The following COMMD1 variants were observed in gnomAD, a reference collection of about 807,000 sequenced individuals.
COMMD1 encodes the protein COMM domain-containing protein 1.
In COMMD1, 10 loss-of-function variants were observed where a neutral mutation model predicts 17.2. That is an observed-to-expected ratio of 0.58 (90% CI 0.36 to 0.99). The LOEUF is 0.99. Ranked by LOEUF, COMMD1 falls within the 50% of genes least tolerant of loss-of-function variation. COMMD1 has a pLI of 0.01. For synonymous variants in COMMD1, 97 were observed against 91.6 expected (o/e 1.06, Z -0.34); for missense variants, 270 against 231.8 (o/e 1.17, Z -1.07).
chr2:62,107,600 T>C (rs1355245439), intron 2 of COMMD1, among the ~76,000 whole-genome samples: 1 of 152,202 alleles, frequency 6.6e-6, no homozygotes, highest in Non-Finnish European at 1.5e-5. Context: ...AGCCTTTTCT[T>C]TGGGGTTTAC....
chr2:61,955,578 G>GT (rs1671176802), intron 1 of COMMD1, among the ~76,000 whole-genome samples: 2 of 151,672 alleles, frequency 1.3e-5, no homozygotes, highest in South Asian at 2.1e-4. Context: ...TCTTCTGTTT[G>GT]TTTTTTTCTA....
At chr2:61,948,537 A>C (rs188619369) in intron 1 of COMMD1, among the ~76,000 whole-genome samples, 5 of 152,346 alleles carry the variant, frequency 3.3e-5, no homozygotes, top group Admixed American at 2.6e-4. Context: ...AAAGCAGAGA[A>C]TATTATGACT....
chr2:62,049,926 G>C (rs1383923190), intron 2 of COMMD1, among the ~76,000 whole-genome samples: 1 of 152,100 alleles, frequency 6.6e-6, no homozygotes, highest in Non-Finnish European at 1.5e-5. Context: ...ATTATCTGTT[G>C]TCAGTTTTAC....
chr2:62,078,003 T>G lies in COMMD1; in HGVS notation c.463-57828T>G, dbSNP rs189695657. On this transcript the variant is annotated intron_variant, in intron 2 of 2. Coordinates refer to ENST00000311832, the MANE Select transcript of COMMD1 (RefSeq NM_152516.4). Reference sequence around the variant, plus strand: ...AGATAAAGAATTGTGGGACTGGGCATAGTGGCTCAGGCCTATAATCACAGA... The same window carrying G: ...AGATAAAGAATTGTGGGACTGGGCAGAGTGGCTCAGGCCTATAATCACAGA... Among the ~76,000 whole-genome samples, 321 of 152,048 alleles carry G rather than the reference T, an allele frequency of 2.1e-3. 2 individuals carry two copies. The highest frequency in any genetic ancestry group is 7.0e-3 in the African/African-American group (289 of 41,490).
At position 61,991,111 on chromosome 2, in the gene COMMD1, A is replaced by G. The variant is rs568110925; in HGVS notation, c.181-9590A>G. On this transcript the variant is annotated intron_variant, in intron 1 of 2. Transcript: ENST00000311832. ...TCTCAAAAGAAAAAAAAAAGTGATGAATTACATTTTCATTTTTCATTCAAA... is the reference window on the plus strand; with the variant it reads ...TCTCAAAAGAAAAAAAAAAGTGATGGATTACATTTTCATTTTTCATTCAAA... 5.5e-4 allele frequency among the ~76,000 whole-genome samples: 84 copies of G among 152,076 alleles called. 1 individual carries two copies. The South Asian group carries it at 0.017, about 30-fold the overall frequency.
chr2:61,968,732 A>AT (rs753898967), intron 1 of COMMD1, among the ~76,000 whole-genome samples: 17 of 150,888 alleles, frequency 1.1e-4, no homozygotes, highest in Non-Finnish European at 1.6e-4. Context: ...CATTTTTTGT[A>AT]TTTTTTATAT....
At chr2:61,901,655 T>G (rs1669659141), upstream of COMMD1, among the ~76,000 whole-genome samples, 1 of 152,178 alleles carries the variant, frequency 6.6e-6, no homozygotes, top group Non-Finnish European at 1.5e-5. Context: ...TAGGACCTAC[T>G]ACTTATTTAA....
At chr2:62,108,915 TATAA>T (rs1219095640) in intron 2 of COMMD1, among the ~76,000 whole-genome samples, 30 of 152,354 alleles carry the variant, frequency 2.0e-4, no homozygotes, top group African/African-American at 7.0e-4. Flanking sequence ...CCCACTTTTC[TATAA>T]ATAACAGGCT....
intron 2 of COMMD1, among the ~76,000 whole-genome samples, chr2:62,071,779 A>T (rs941294041): frequency 6.6e-6 from 1 of 152,184 alleles, no homozygotes; most frequent in African/African-American, 2.4e-5. Flanking sequence ...CTAAATTCCC[A>T]GCCATGATAG....
chr2:61,921,630 A>T (rs1057505353), intron 1 of COMMD1, among the ~76,000 whole-genome samples: 5 of 152,096 alleles, frequency 3.3e-5, no homozygotes, highest in South Asian at 2.1e-4. Flanking sequence ...TTTTTAGTAG[A>T]GACGGGGTTT....
At chr2:61,949,105 CTCTTAAAGCAAAA>C (rs1670986751) in intron 1 of COMMD1, among the ~76,000 whole-genome samples, 1 of 152,128 alleles carries the variant, frequency 6.6e-6, no homozygotes, top group African/African-American at 2.4e-5. Context: ...AAGACCCTGT[CTCTTAAAGCAAAA>C]ATTTAAAAAT....
intron 1 of COMMD1, among the ~76,000 whole-genome samples, chr2:61,895,874 C>A (rs1189528046): frequency 6.6e-6 from 1 of 152,118 alleles, no homozygotes; most frequent in African/African-American, 2.4e-5. Context: ...CCCTACTGAC[C>A]AAGGTCCTAG....
At chr2:61,947,285 CTT>C (rs1196856241) in intron 1 of COMMD1, among the ~76,000 whole-genome samples, 1 of 152,094 alleles carries the variant, frequency 6.6e-6, no homozygotes, top group Non-Finnish European at 1.5e-5. Flanking sequence ...ATACCTGTCA[CTT>C]AGTATAACTT....
In COMMD1 at chr2:61,975,516, AT is replaced by A. The variant is rs577875494; in HGVS notation, c.181-25180del. On this transcript the variant is annotated intron_variant, in intron 1 of 2. Transcript: ENST00000311832. ...TGGATGAGAGTTCCAGTTGTTCCAC[AT>A]TTTTGTCAACATTTGGTGTTGCTTT... 1.5e-3 allele frequency among the ~76,000 whole-genome samples: 227 copies of A among 152,182 alleles called. 1 individual carries two copies. The highest frequency in any genetic ancestry group is 2.4e-3 in the Non-Finnish European group (166 of 67,996).
chr2:61,912,390 G>C (rs1669927915), intron 1 of COMMD1, among the ~76,000 whole-genome samples: 1 of 152,190 alleles, frequency 6.6e-6, no homozygotes, highest in African/African-American at 2.4e-5. Flanking sequence ...CCAGGGGTCA[G>C]CAAACTATGT....
At chr2:61,942,008 T>C (rs986487730) in intron 1 of COMMD1, among the ~76,000 whole-genome samples, 5 of 152,224 alleles carry the variant, frequency 3.3e-5, no homozygotes, top group African/African-American at 1.2e-4. Flanking sequence ...CATTTAGTTT[T>C]ATTTGTACAG....
At chr2:62,049,215 A>AG (rs1670471055) in intron 2 of COMMD1, among the ~76,000 whole-genome samples, 2 of 149,654 alleles carry the variant, frequency 1.3e-5, no homozygotes, top group South Asian at 4.2e-4. Flanking sequence ...AAAAAAAAAA[A>AG]GACCTAGCCC....
At chr2:61,888,535 T>C, upstream of COMMD1, 1 of 1,604,416 alleles carries the variant, frequency 6.2e-7, no homozygotes, top group Non-Finnish European at 8.5e-7. Context: ...CTGGGTTGGC[T>C]CGGGAAGGAC....
At chr2:61,896,819 C>CTT (rs112184843) in intron 1 of COMMD1, among the ~76,000 whole-genome samples, 6,501 of 137,078 alleles carry the variant, frequency 0.047, 298 homozygotes, top group African/African-American at 0.12. Flanking sequence ...TTTTCCTTTT[C>CTT]TTTTTTTTTT....
Sources: gnomAD v4.1 joint callset for allele counts (sites outside exome capture counted in the v4.1 genomes callset) on GRCh38, gnomAD v4.1.1 for gene constraint, MANE v1.5 for transcripts, NCBI Gene and HGNC (gene_info 2026-07-23, HGNC 2026-07-21) for gene names.